The following PRKN variants were observed in gnomAD, a reference collection of about 807,000 sequenced individuals.
PRKN encodes the protein parkin RBR E3 ubiquitin protein ligase, also known as E3 ubiquitin-protein ligase parkin.
In PRKN, 56 loss-of-function variants were observed where a neutral mutation model predicts 59.5. The observed-to-expected ratio is 0.94, with a 90% CI of 0.76 to 1.18. PRKN has a LOEUF of 1.18. PRKN is among the 50% of genes most tolerant of loss of function. PRKN has a pLI of 0.00. For missense variants in PRKN, 657 were observed against 596.4 expected (o/e 1.10, Z -1.06); for synonymous variants, 250 against 222.1 (o/e 1.13, Z -1.12).
intron 3 of PRKN, among the ~76,000 whole-genome samples, chr6:162,247,439 A>AT (rs1562611453): frequency 6.6e-6 from 1 of 152,164 alleles, no homozygotes; most frequent in Non-Finnish European, 1.5e-5. Context: ...AGGGAAGTGA[A>AT]TTTTAACTGC....
At chr6:161,476,985 G>A (rs1337559299) in intron 9 of PRKN, among the ~76,000 whole-genome samples, 7 of 152,220 alleles carry the variant, frequency 4.6e-5, no homozygotes, top group Admixed American at 1.3e-4. Flanking sequence ...GAGGCAGTAA[G>A]GCAGGCACGG....
intron 9 of PRKN, among the ~76,000 whole-genome samples, chr6:161,403,350 A>G (rs950732402): frequency 1.2e-4 from 19 of 152,336 alleles, no homozygotes; most frequent in African/African-American, 4.1e-4. Context: ...TGTTTTGATA[A>G]TAACAATGAT....
chr6:162,579,476 C>A (rs2128210804), intron 1 of PRKN, among the ~76,000 whole-genome samples: 1 of 151,594 alleles, frequency 6.6e-6, no homozygotes, highest in South Asian at 2.1e-4. Flanking sequence ...ACACACATAT[C>A]CAGACTCACA....
rs1790013549 is a variant in PRKN at position 161,457,266 on chromosome 6, G to A, written c.1084-70389C>T. On this transcript the variant is annotated intron_variant, in intron 9 of 11. Transcript: ENST00000366898. The surrounding 1 kb of genome is among the most constrained non-coding windows in gnomAD (Gnocchi z 5.0). ...GTGTCTCTGTTAAGCACTTTGCAAGGAGGATGGGCAGCTGGGCCAATGCAG... is the reference window on the plus strand; with the variant it reads ...GTGTCTCTGTTAAGCACTTTGCAAGAAGGATGGGCAGCTGGGCCAATGCAG... Among the ~76,000 whole-genome samples the A allele has an allele frequency of 6.6e-6, 1 of 152,164 alleles. No homozygotes were observed. The highest frequency in any genetic ancestry group is 2.1e-4 in the South Asian group (1 of 4,824).
At chr6:161,811,933 A>C (rs1413154525) in intron 6 of PRKN, among the ~76,000 whole-genome samples, 1 of 151,804 alleles carries the variant, frequency 6.6e-6, no homozygotes, top group Non-Finnish European at 1.5e-5. Flanking sequence ...AAAATAAATA[A>C]ATAAATAAAT....
intron 6 of PRKN, among the ~76,000 whole-genome samples, chr6:161,867,099 T>G (rs1271459630): frequency 1.3e-5 from 2 of 152,218 alleles, no homozygotes; most frequent in Non-Finnish European, 2.9e-5. Flanking sequence ...GGAATACATG[T>G]TTTTTTCATC....
intron 7 of PRKN, chr6:161,716,123 C>T: frequency 3.0e-6 from 4 of 1,345,358 alleles, no homozygotes; most frequent in Non-Finnish European, 3.9e-6. Flanking sequence ...ACCACTGTGT[C>T]TCCAGTTCCT....
chr6:161,939,405 A>C (rs560309940), intron 6 of PRKN, among the ~76,000 whole-genome samples: 99 of 113,426 alleles, frequency 8.7e-4, no homozygotes, highest in African/African-American at 3.1e-3. Context: ...GGTGACAGAG[A>C]GAGACTCTGT....
intron 1 of PRKN, among the ~76,000 whole-genome samples, chr6:162,690,721 C>T (rs906156469): frequency 2.0e-5 from 3 of 152,120 alleles, no homozygotes; most frequent in African/African-American, 7.2e-5. Context: ...TCCTCTCGTA[C>T]TAGAAATGGA....
intron 5 of PRKN, among the ~76,000 whole-genome samples, chr6:161,981,595 A>T (rs544462560): frequency 2.0e-5 from 3 of 152,204 alleles, no homozygotes; most frequent in Non-Finnish European, 2.9e-5. Flanking sequence ...CCTAATACAT[A>T]AAAAAAGCCT....
At chr6:162,208,658 T>C (rs1785060716) in intron 3 of PRKN, among the ~76,000 whole-genome samples, 1 of 152,118 alleles carries the variant, frequency 6.6e-6, no homozygotes, top group Non-Finnish European at 1.5e-5. Context: ...AGAGTAAATG[T>C]AGTTGCTTTT....
chr6:161,597,069 C>G (rs865979423), intron 7 of PRKN, among the ~76,000 whole-genome samples: 1 of 152,148 alleles, frequency 6.6e-6, no homozygotes, highest in African/African-American at 2.4e-5. Context: ...GAGAGAAATT[C>G]AAAAGAACAA....
At chr6:162,523,834 T>C (rs576701482) in intron 1 of PRKN, among the ~76,000 whole-genome samples, 2 of 152,094 alleles carry the variant, frequency 1.3e-5, no homozygotes, top group African/African-American at 2.4e-5. Context: ...CTGGGCAACA[T>C]AGCACCACCC....
At chr6:162,307,504 G>A (rs2128116539) in intron 2 of PRKN, among the ~76,000 whole-genome samples, 1 of 151,746 alleles carries the variant, frequency 6.6e-6, no homozygotes, top group South Asian at 2.1e-4. Flanking sequence ...AACAAGATGT[G>A]CATATATGGG....
chr6:161,883,568 A>G (rs1795023125), intron 6 of PRKN, among the ~76,000 whole-genome samples: 1 of 152,166 alleles, frequency 6.6e-6, no homozygotes. Flanking sequence ...CTGGTTACCT[A>G]TATCTACCTG....
chr6:162,087,166 A>C (rs1189540841), intron 4 of PRKN, among the ~76,000 whole-genome samples: 5 of 152,074 alleles, frequency 3.3e-5, no homozygotes, highest in Admixed American at 3.3e-4. Flanking sequence ...TGTTTGTTTT[A>C]TTTTTGTTTT....
rs7750182 is a variant in PRKN, at chr6:161,593,189, A to G, written c.872-23773T>C. On this transcript the variant is annotated intron_variant, in intron 7 of 11. Coordinates refer to ENST00000366898, the MANE Select transcript of PRKN (RefSeq NM_004562.3). The surrounding 1 kb of genome is among the most constrained non-coding windows in gnomAD (Gnocchi z 4.8). ...TTACGAACTAATAATAACGACAATC[A>G]TTATGAACTAATAACATCGCATGTC... is the stretch of plus-strand genomic sequence containing the variant. 3.0e-3 allele frequency among the ~76,000 whole-genome samples: 461 copies of G among 152,326 alleles called. 1 individual carries two copies. The highest frequency in any genetic ancestry group is 0.011 in the African/African-American group (437 of 41,580).
At chr6:161,928,269 C>T (rs1395591414) in intron 6 of PRKN, among the ~76,000 whole-genome samples, 2 of 152,118 alleles carry the variant, frequency 1.3e-5, no homozygotes, top group East Asian at 1.9e-4. Flanking sequence ...TTTGTTATGG[C>T]AGCCTGAATG....
At chr6:162,268,496 T>C (rs1012099773) in intron 2 of PRKN, among the ~76,000 whole-genome samples, 2 of 152,344 alleles carry the variant, frequency 1.3e-5, no homozygotes, top group African/African-American at 2.4e-5. Context: ...TATTTTGTTA[T>C]AGCAAGACAA....
Sources: allele counts gnomAD v4.1 joint callset (sites outside exome capture counted in the v4.1 genomes callset), GRCh38; gene constraint gnomAD v4.1.1; non-coding constraint Gnocchi (gnomAD v3.1); transcripts MANE v1.5; gene names NCBI Gene and HGNC (gene_info 2026-07-23, HGNC 2026-07-21).